CRTAP: variants seen among roughly 807,000 people sequenced by gnomAD.
CRTAP encodes the protein cartilage associated protein.
Under a neutral mutation model 42.7 loss-of-function variants are expected in CRTAP, and 33 were observed. The ratio of observed to expected loss-of-function variants is 0.77; its 90% CI spans 0.59 to 1.03. CRTAP has a LOEUF of 1.03. Ranked by LOEUF, CRTAP falls within the 50% of genes least tolerant of loss-of-function variation. The probability of loss-of-function intolerance (pLI) is 0.00; values close to 1 mark genes in which losing one functional copy is unlikely to be tolerated. For synonymous variants in CRTAP, 243 were observed against 217.7 expected (o/e 1.12, Z -1.02); for missense variants, 613 against 533.9 (o/e 1.15, Z -1.46).
At chr3:33,125,041 A>C (rs1217390196) in intron 3 of CRTAP, among the ~76,000 whole-genome samples, 1 of 152,240 alleles carries the variant, frequency 6.6e-6, no homozygotes, top group Non-Finnish European at 1.5e-5. Context: ...GAAGTTTGGA[A>C]AACACAGAAA....
chr3:33,124,225 A>G (rs910283447), intron 2 of CRTAP, among the ~76,000 whole-genome samples, 183 bp from the exon 3 acceptor site: 2 of 152,240 alleles, frequency 1.3e-5, no homozygotes, highest in Non-Finnish European at 2.9e-5. Flanking sequence ...TGTACCCATC[A>G]TAAGCAAAGT....
intron 1 of CRTAP, 77 bp downstream of exon 1, chr3:33,114,625 C>G (rs1016748122): frequency 7.2e-7 from 1 of 1,396,296 alleles, no homozygotes; most frequent in Admixed American, 2.0e-5. Flanking sequence ...CGCCCCTGCG[C>G]CCGGGGCCGC....
rs143887377 is a variant in CRTAP at position 33,127,335 on chromosome 3, C to G, written c.794-2604C>G. Among the ~76,000 whole-genome samples the G allele has an allele frequency of 2.1e-3, 323 of 152,188 alleles. 1 individual carries two copies. The highest frequency in any genetic ancestry group is 7.4e-3 in the African/African-American group (306 of 41,552). ...TCGGAAGAATCATACAAAGAACTCT[C>G]ATGTACACCTTACCTAGATTCACCA... On this transcript the variant is annotated intron_variant, in intron 3 of 6. Transcript: ENST00000320954.
Position 33,145,675 on chromosome 3 carries a change from G to A in CRTAP, c.*3227G>A, listed in dbSNP as rs1056348652. The A allele has an allele frequency of 2.0e-5, 3 of 152,500 alleles. No homozygotes were observed. The highest frequency in any genetic ancestry group is 7.2e-5 in the African/African-American group (3 of 41,568). The allele number at this position is 152,500 out of a possible 1,614,324, so 9.4% of individuals were successfully genotyped here. On this transcript the variant is annotated 3_prime_UTR_variant, in exon 7 of 7. Coordinates refer to ENST00000320954, the MANE Select transcript of CRTAP (RefSeq NM_006371.5). This position sits in a 1 kb window ranked among gnomAD's most constrained non-coding sequence, Gnocchi z 4.3. Reference sequence around the variant, plus strand: ...GCTGCAGTGTCCTTCCCAGCTGTGTGAGAAAATGAAAGCCGACGTCCACAG... The same window carrying A: ...GCTGCAGTGTCCTTCCCAGCTGTGTAAGAAAATGAAAGCCGACGTCCACAG...
intron 5 of CRTAP, among the ~76,000 whole-genome samples, chr3:33,133,680 G>C (rs1476786641): frequency 1.3e-5 from 2 of 150,406 alleles, no homozygotes; most frequent in Non-Finnish European, 3.0e-5. Flanking sequence ...TTGTCTTTCT[G>C]ACAATTTGTC....
chr3:33,124,869 A>G (rs1441599888), intron 3 of CRTAP, among the ~76,000 whole-genome samples: 1 of 152,126 alleles, frequency 6.6e-6, no homozygotes, highest in Non-Finnish European at 1.5e-5. Context: ...AAAAATAAAA[A>G]TGGGCCCAGG....
At chr3:33,117,951 C>CCTTTCTTT (rs199592277) in intron 1 of CRTAP, among the ~76,000 whole-genome samples, 37 of 143,858 alleles carry the variant, frequency 2.6e-4, no homozygotes, top group African/African-American at 9.5e-4. Context: ...TCTTTCTATT[C>CCTTTCTTT]CTTTCTTTCT....
chr3:33,130,434 A>T (rs948080242), intron 4 of CRTAP, among the ~76,000 whole-genome samples: 1 of 150,868 alleles, frequency 6.6e-6, no homozygotes, highest in Non-Finnish European at 1.5e-5. Context: ...TGTTTTTGTT[A>T]TCATTATTTC....
In CRTAP at chr3:33,120,041, G is replaced by A. The variant is rs537045123; in HGVS notation, c.472-303G>A. On this transcript the variant is annotated intron_variant, in intron 1 of 6. Coordinates refer to ENST00000320954, the MANE Select transcript of CRTAP (RefSeq NM_006371.5). ...GGCTCCTCATGGGTGAACCTCTTTG[G>A]AAGCCAGAGAGCGAGGGAGTCTGTT... 3.3e-5 allele frequency among the ~76,000 whole-genome samples: 5 copies of A among 152,298 alleles called. No homozygotes were observed. The East Asian group carries it at 7.7e-4, about 23-fold the overall frequency.
chr3:33,120,115 G>A (rs184574511), intron 1 of CRTAP, among the ~76,000 whole-genome samples: 1 of 152,320 alleles, frequency 6.6e-6, no homozygotes, highest in African/African-American at 2.4e-5. Flanking sequence ...CCAGTGCAGA[G>A]TAGATTGGGA....
chr3:33,114,307 T>G lies in CRTAP; in HGVS notation c.230T>G (p.Leu77Arg). Residue 77 changes from leucine (L) to arginine (R), a missense_variant, in exon 1 of 7, where the codon CTG becomes CGG. Leu to Arg is a moderately radical substitution (Grantham distance 102). Transcript: ENST00000320954. ...LEISLRLHRL[L>R]RDSEAFCHRN... Reference sequence around the variant, plus strand: ...ATCAGCCTGCGGCTGCACCGCTTGCTGCGCGACAGCGAGGCCTTCTGCCAC... The same window carrying G: ...ATCAGCCTGCGGCTGCACCGCTTGCGGCGCGACAGCGAGGCCTTCTGCCAC... 6.4e-7 allele frequency: 1 copy of G among 1,556,952 alleles called. No homozygotes were observed. Among genetic ancestry groups the G allele is most frequent in the South Asian group, 1.2e-5 (1 of 85,364 alleles).
At position 33,114,568 on chromosome 3, in the gene CRTAP, T is replaced by TCCCAGGCCCCGGCCCCGC. The variant is rs1559431569; in HGVS notation, c.471+24_471+41dup. On this transcript the variant is annotated intron_variant, in intron 1 of 6. Transcript: ENST00000320954. ...TTCAAGGCAAGTCCGCCTCGCCCCGTCCCAGGCCCCGGCCCCGCCCCTGAC... is the reference window on the plus strand; with the variant it reads ...TTCAAGGCAAGTCCGCCTCGCCCCGTCCCAGGCCCCGGCCCCGCCCCAGGCCCCGGCCCCGCCCCTGAC... The TCCCAGGCCCCGGCCCCGC allele has an allele frequency of 3.2e-6, 5 of 1,558,744 alleles. No individual in the cohort carries two copies. Among genetic ancestry groups the TCCCAGGCCCCGGCCCCGC allele is most frequent in the African/African-American group, 1.4e-5 (1 of 73,774 alleles).
At chr3:33,117,820 C>T (rs976611995) in intron 1 of CRTAP, among the ~76,000 whole-genome samples, 4 of 152,188 alleles carry the variant, frequency 2.6e-5, no homozygotes, top group Non-Finnish European at 5.9e-5. Context: ...AGATGTGTCT[C>T]CATGTTCCAG....
intron 6 of CRTAP, among the ~76,000 whole-genome samples, chr3:33,139,916 T>C (rs1008316930): frequency 4.6e-5 from 7 of 152,272 alleles, no homozygotes; most frequent in Non-Finnish European, 7.3e-5. Flanking sequence ...TTACATGATA[T>C]AGATAATTTT....
At chr3:33,128,988 G>A (rs575412143) in intron 3 of CRTAP, among the ~76,000 whole-genome samples, 1 of 152,216 alleles carries the variant, frequency 6.6e-6, no homozygotes, top group East Asian at 1.9e-4. Flanking sequence ...CTATATTTAG[G>A]TTCACCTTAC....
chr3:33,116,381 C>G (rs1701343886), intron 1 of CRTAP, among the ~76,000 whole-genome samples: 1 of 152,052 alleles, frequency 6.6e-6, no homozygotes, highest in South Asian at 2.1e-4. Flanking sequence ...TTTTTTGAGA[C>G]ACAGTTTCAC....
At chr3:33,129,535 CTTTTTT>C (rs753545426) in intron 3 of CRTAP, among the ~76,000 whole-genome samples, 5 of 115,730 alleles carry the variant, frequency 4.3e-5, no homozygotes, top group Non-Finnish European at 3.6e-5. Context: ...TTTTCTTTTT[CTTTTTT>C]TTTTTTTTTT....
intron 2 of CRTAP, among the ~76,000 whole-genome samples, chr3:33,121,343 C>G (rs1298519546): frequency 6.6e-6 from 1 of 151,460 alleles, no homozygotes; most frequent in Non-Finnish European, 1.5e-5. Context: ...TCCCGGGAGA[C>G]AGAGGTTGCA....
At chr3:33,130,373 A>G (rs1212407748) in intron 4 of CRTAP, among the ~76,000 whole-genome samples, 2 of 152,136 alleles carry the variant, frequency 1.3e-5, no homozygotes, top group African/African-American at 4.8e-5. Flanking sequence ...GAGTTAATAG[A>G]TGTGAAATGT....
Sources: gnomAD v4.1 joint callset for allele counts (sites outside exome capture counted in the v4.1 genomes callset) on GRCh38, gnomAD v4.1.1 for gene constraint, Gnocchi (gnomAD v3.1) non-coding constraint, MANE v1.5 for transcripts, NCBI Gene and HGNC (gene_info 2026-07-23, HGNC 2026-07-21) for gene names.